Variants in KCNMA1 observed in about 807,000 individuals in gnomAD.
KCNMA1 encodes Calcium-activated potassium channel subunit alpha-1.
A neutral mutation model predicts 140.0 loss-of-function variants in KCNMA1; 29 were observed. The observed-to-expected ratio is 0.21, with a 90% CI of 0.15 to 0.28. KCNMA1 has a LOEUF of 0.28. KCNMA1 is among the 10% of genes least tolerant of loss of function. KCNMA1 has a pLI of 1.00. For synonymous variants in KCNMA1, 612 were observed against 611.9 expected, an observed-to-expected ratio of 1.00 and a Z score of 0.00; for missense variants, 880 against 1,602.2, an observed-to-expected ratio of 0.55 and a Z score of 7.70.
chr10:77,098,291 G>T (rs1486334029), intron 9 of KCNMA1, among the ~76,000 whole-genome samples: 1 of 152,040 alleles, frequency 6.6e-6, no homozygotes, highest in Non-Finnish European at 1.5e-5. Context: ...TTAATTTGGG[G>T]AATTGCTCCT....
intron 2 of KCNMA1, among the ~76,000 whole-genome samples, chr10:77,292,668 G>A (rs1475363748): frequency 6.6e-6 from 1 of 152,048 alleles, no homozygotes; most frequent in Non-Finnish European, 1.5e-5. Flanking sequence ...TCAACCTCCG[G>A]GTTGCCCTAC....
At chr10:76,877,025 G>C (rs1348133936), downstream of KCNMA1, 1 of 152,720 alleles carries the variant, frequency 6.5e-6, no homozygotes, top group Non-Finnish European at 1.5e-5. Flanking sequence ...AGACAAACCT[G>C]ATCTGCCAAT....
At chr10:77,372,418 C>G (rs1374519755) in intron 2 of KCNMA1, among the ~76,000 whole-genome samples, 1 of 152,222 alleles carries the variant, frequency 6.6e-6, no homozygotes, top group Non-Finnish European at 1.5e-5. Flanking sequence ...GTTCACCAGG[C>G]TGACCATGCC....
At chr10:77,620,920 C>T (rs997345934) in intron 1 of KCNMA1, among the ~76,000 whole-genome samples, 8 of 152,114 alleles carry the variant, frequency 5.3e-5, no homozygotes, top group African/African-American at 1.4e-4. Context: ...ATGTGAGTGG[C>T]GCCCTGGAAT....
chr10:76,947,406 C>G (rs994135052), intron 22 of KCNMA1, among the ~76,000 whole-genome samples: 2 of 152,008 alleles, frequency 1.3e-5, no homozygotes, highest in Non-Finnish European at 2.9e-5. Context: ...CACAAACACA[C>G]AAAACACACA....
At chr10:77,458,170 G>A (rs2097790814) in intron 1 of KCNMA1, among the ~76,000 whole-genome samples, 1 of 152,200 alleles carries the variant, frequency 6.6e-6, no homozygotes, top group Non-Finnish European at 1.5e-5. Context: ...CCACAAGCAG[G>A]CATCCTCCAC....
intron 15 of KCNMA1, among the ~76,000 whole-genome samples, chr10:77,036,797 G>A (rs1401956939): frequency 2.0e-5 from 3 of 152,120 alleles, no homozygotes; most frequent in Non-Finnish European, 2.9e-5. Context: ...TCATTAAACT[G>A]CTGGTAACTT....
At chr10:76,953,383 C>G (rs1305739756) in intron 21 of KCNMA1, among the ~76,000 whole-genome samples, 1 of 152,198 alleles carries the variant, frequency 6.6e-6, no homozygotes, top group Non-Finnish European at 1.5e-5. Context: ...ATCTTCACTA[C>G]AGCCCTATGA....
intron 1 of KCNMA1, among the ~76,000 whole-genome samples, chr10:77,610,692 G>A (rs1413590453): frequency 1.3e-5 from 2 of 152,242 alleles, no homozygotes; most frequent in Non-Finnish European, 2.9e-5. Context: ...CACATCCAGA[G>A]AGCCCACACA....
chr10:77,499,804 T>G (rs1046706022), intron 1 of KCNMA1, among the ~76,000 whole-genome samples: 5 of 152,164 alleles, frequency 3.3e-5, no homozygotes, highest in African/African-American at 1.2e-4. Flanking sequence ...GTTTAAATAA[T>G]TGTTACAACT....
At chr10:76,870,343 C>T (rs1281598110) in exon 28 of KCNMA1, 1 of 152,220 alleles carries the variant, frequency 6.6e-6, no homozygotes, top group African/African-American at 2.4e-5. Flanking sequence ...AACAGTGGGG[C>T]CCGGTAGTGC....
At chr10:77,482,321 C>G (rs1245569814) in intron 1 of KCNMA1, among the ~76,000 whole-genome samples, 1 of 152,120 alleles carries the variant, frequency 6.6e-6, no homozygotes, top group Non-Finnish European at 1.5e-5. Context: ...GTCCCAGGGC[C>G]AAAGGTTACA....
chr10:77,282,339 A>AC (rs1370446258), intron 2 of KCNMA1, among the ~76,000 whole-genome samples: 1 of 152,116 alleles, frequency 6.6e-6, no homozygotes, highest in Admixed American at 6.5e-5. Context: ...CCTCTGTGCC[A>AC]CCACGTGGAC....
At chr10:77,517,770 C>T (rs1362609854) in intron 1 of KCNMA1, among the ~76,000 whole-genome samples, 1 of 152,134 alleles carries the variant, frequency 6.6e-6, no homozygotes, top group East Asian at 1.9e-4. Flanking sequence ...TATCAAGCAC[C>T]ACTATTTCCC....
intron 23 of KCNMA1, among the ~76,000 whole-genome samples, chr10:76,928,592 G>A (rs776299660): frequency 6.6e-6 from 1 of 151,950 alleles, no homozygotes. Context: ...TTTATATTCC[G>A]ACTACTGTAA....
At chr10:77,561,030 C>T (rs536045168) in intron 1 of KCNMA1, among the ~76,000 whole-genome samples, 10 of 149,014 alleles carry the variant, frequency 6.7e-5, no homozygotes, top group South Asian at 2.2e-4. Context: ...GACAGGGGAA[C>T]GGCTCCTCCT....
chr10:77,132,855 G>C (rs1445117934), intron 5 of KCNMA1, among the ~76,000 whole-genome samples: 1 of 152,056 alleles, frequency 6.6e-6, no homozygotes, highest in Admixed American at 6.6e-5. Context: ...AAATCCAAAA[G>C]AAGCAAGATA....
intron 27 of KCNMA1, 174 bp from the exon 28 acceptor site, chr10:76,887,689 C>T: frequency 1.4e-6 from 1 of 709,712 alleles, no homozygotes; most frequent in Non-Finnish European, 2.3e-6. Context: ...TGGAAACTTC[C>T]TCTGTTTAAC....
chr10:77,444,935 C>T (rs1186939503), intron 1 of KCNMA1, among the ~76,000 whole-genome samples: 1 of 152,200 alleles, frequency 6.6e-6, no homozygotes, highest in African/African-American at 2.4e-5. Context: ...TCCACATTAT[C>T]TCCCCAGACA....
Sources: gnomAD v4.1 joint callset for allele counts (sites outside exome capture counted in the v4.1 genomes callset) on GRCh38, gnomAD v4.1.1 for gene constraint, MANE v1.5 for transcripts, NCBI Gene and HGNC (gene_info 2026-07-23, HGNC 2026-07-21) for gene names.